The following SOX6 variants were observed in gnomAD, a reference collection of about 807,000 sequenced individuals.
The protein encoded by SOX6 is transcription factor SOX-6.
A neutral mutation model predicts 97.8 loss-of-function variants in SOX6; 11 were observed. That is an observed-to-expected ratio of 0.11 (90% CI 0.07 to 0.19). The LOEUF (loss-of-function observed/expected upper bound fraction) is 0.19. Ranked by LOEUF, SOX6 falls within the 10% of genes least tolerant of loss-of-function variation. SOX6 has a pLI of 1.00. For synonymous variants in SOX6, 360 were observed against 371.4 expected (o/e 0.97, Z 0.35); for missense variants, 810 against 1,039.5 (o/e 0.78, Z 3.04).
At chr11:16,095,917 A>G (rs967481169) in intron 9 of SOX6, 79 bp downstream of exon 9, 1 of 1,139,748 alleles carries the variant, frequency 8.8e-7, no homozygotes, top group Non-Finnish European at 1.2e-6. Context: ...GCCACTTTAA[A>G]AAAAAAAAAA....
At chr11:16,414,654 A>T (rs1413292141) in intron 1 of SOX6, among the ~76,000 whole-genome samples, 1 of 152,204 alleles carries the variant, frequency 6.6e-6, no homozygotes, top group Non-Finnish European at 1.5e-5. Context: ...TGTGACAAGA[A>T]CAAAAAGAGA....
At chr11:16,402,914 C>A in intron 1 of SOX6, 1 of 1,428,722 alleles carries the variant, frequency 7.0e-7, no homozygotes, top group South Asian at 1.3e-5. Context: ...ATAAAAAGAA[C>A]CCTGTCCTTT....
chr11:16,482,681 T>C (rs558791716), intron 4 of SOX6, among the ~76,000 whole-genome samples: 1 of 145,958 alleles, frequency 6.9e-6, no homozygotes, highest in South Asian at 2.2e-4. Context: ...AATGGTGTTC[T>C]TTGAAAAAAG....
At chr11:16,191,754 GCCTTTTAT>G (rs1172786020) in intron 4 of SOX6, among the ~76,000 whole-genome samples, 1 of 152,090 alleles carries the variant, frequency 6.6e-6, no homozygotes, top group African/African-American at 2.4e-5. Flanking sequence ...AAGTCAGCAT[GCCTTTTAT>G]CCAACATCAC....
At chr11:16,414,257 A>G (rs1017892922) in intron 1 of SOX6, among the ~76,000 whole-genome samples, 1 of 152,218 alleles carries the variant, frequency 6.6e-6, no homozygotes, top group Non-Finnish European at 1.5e-5. Context: ...TTCAGGTCGC[A>G]GGATAAATAA....
intron 4 of SOX6, among the ~76,000 whole-genome samples, chr11:16,553,981 C>T (rs919247526): frequency 2.0e-5 from 3 of 151,928 alleles, no homozygotes; most frequent in East Asian, 1.9e-4. Flanking sequence ...ATGGTCAACG[C>T]GGCAGTTTAG....
intron 4 of SOX6, among the ~76,000 whole-genome samples, chr11:16,537,216 C>A (rs1565174820): frequency 6.6e-6 from 1 of 152,224 alleles, no homozygotes. Flanking sequence ...CGAACTCCAA[C>A]AGACCTATAG....
intron 9 of SOX6, among the ~76,000 whole-genome samples, chr11:16,079,006 C>T (rs531133029): frequency 4.6e-5 from 7 of 152,184 alleles, no homozygotes; most frequent in Admixed American, 2.0e-4. Context: ...ACCATGAAAC[C>T]GACTTTGTGT....
At chr11:16,354,623 T>C (rs188235973) in intron 1 of SOX6, among the ~76,000 whole-genome samples, 1 of 152,134 alleles carries the variant, frequency 6.6e-6, no homozygotes, top group Non-Finnish European at 1.5e-5. Context: ...TAGGTGCCTA[T>C]TCAAACCACC....
intron 6 of SOX6, among the ~76,000 whole-genome samples, chr11:16,125,863 GAA>G (rs1849597304): frequency 6.6e-6 from 1 of 151,200 alleles, no homozygotes; most frequent in African/African-American, 2.4e-5. Context: ...AGGAAGGAAG[GAA>G]GGAAGGAAGG....
chr11:16,287,605 T>A (rs956538960), intron 3 of SOX6, among the ~76,000 whole-genome samples: 3 of 152,126 alleles, frequency 2.0e-5, no homozygotes, highest in African/African-American at 7.2e-5. Flanking sequence ...ATTCAATACA[T>A]TAATCATTAA....
chr11:16,430,195 G>A (rs2133075250), intron 1 of SOX6, among the ~76,000 whole-genome samples: 1 of 152,122 alleles, frequency 6.6e-6, no homozygotes, highest in South Asian at 2.1e-4. Context: ...CCCGACCCCA[G>A]CCCTTTTACT....
rs564172212 is a variant in SOX6 at position 16,223,286 on chromosome 11, G to A, written c.535+11296C>T. Among the ~76,000 whole-genome samples, 5 of 152,118 alleles carry A rather than the reference G, an allele frequency of 3.3e-5. No individual in the cohort carries two copies. In the East Asian group the frequency reaches 9.7e-4, roughly 29 times the overall value. ...CAGAGTAAGTGAGAATTAAGTTTAT[G>A]TCCTCGGAGGCATTTTCATTTAACA... is the stretch of plus-strand genomic sequence containing the variant. On this transcript the variant is annotated intron_variant, in intron 4 of 15. Transcript: ENST00000683767.
chr11:16,311,533 T>C (rs1855602608), intron 3 of SOX6: 1 of 152,162 alleles, frequency 6.6e-6, no homozygotes, highest in Admixed American at 6.6e-5. Flanking sequence ...CCTTAACTAA[T>C]TATTCATCTT....
At chr11:16,710,391 T>C (rs972882484) in intron 3 of SOX6, among the ~76,000 whole-genome samples, 3 of 152,218 alleles carry the variant, frequency 2.0e-5, no homozygotes, top group African/African-American at 7.2e-5. Flanking sequence ...TGAAATGAAG[T>C]GTTCAAGGTC....
intron 2 of SOX6, among the ~76,000 whole-genome samples, chr11:16,728,564 C>G (rs1439620018): frequency 6.6e-6 from 1 of 152,128 alleles, no homozygotes; most frequent in African/African-American, 2.4e-5. Flanking sequence ...CACACAGAAA[C>G]CCAATCCGAA....
intron 3 of SOX6, among the ~76,000 whole-genome samples, chr11:16,267,413 G>A (rs530915162): frequency 9.9e-4 from 150 of 151,572 alleles, no homozygotes; most frequent in African/African-American, 3.4e-3. Flanking sequence ...AAAAGAAGGC[G>A]TATAAGTGGC....
rs547306711 is a variant in SOX6, at chr11:16,386,473, C to T, written c.-4-45221G>A. 7.8e-4 allele frequency among the ~76,000 whole-genome samples: 119 copies of T among 152,160 alleles called. 1 individual carries two copies. In the South Asian group the frequency reaches 0.011, roughly 15 times the overall value. ...CAGATTCCTGCATATAGATACAACA[C>T]TCATTAATAAGCTGATTCCACATTA... On this transcript the variant is annotated intron_variant, in intron 1 of 15. Transcript: ENST00000396356.
At chr11:16,484,755 C>T (rs1344004440) in intron 4 of SOX6, 2 of 427,538 alleles carry the variant, frequency 4.7e-6, no homozygotes, top group African/African-American at 2.0e-5. Flanking sequence ...AAATAAGTTG[C>T]ATCATCAAAT....
Sources: gnomAD v4.1 joint callset for allele counts (sites outside exome capture counted in the v4.1 genomes callset) on GRCh38, gnomAD v4.1.1 for gene constraint, MANE v1.5 for transcripts, NCBI Gene and HGNC (gene_info 2026-07-23, HGNC 2026-07-21) for gene names.